MLIP: variants seen among roughly 807,000 people sequenced by gnomAD.
MLIP encodes the protein muscular LMNA interacting protein, also known as muscular LMNA-interacting protein.
In MLIP, 79 loss-of-function variants were observed where a neutral mutation model predicts 84.8. The ratio of observed to expected loss-of-function variants is 0.93; its 90% confidence interval spans 0.78 to 1.12. MLIP has a LOEUF of 1.12. MLIP is among the 50% of genes most tolerant of loss of function. The pLI is 0.00. For synonymous variants in MLIP, 504 were observed against 463.0 expected (o/e 1.09, Z -1.14); for missense variants, 1,257 against 1,160.6 (o/e 1.08, Z -1.21).
intron 1 of MLIP, among the ~76,000 whole-genome samples, chr6:54,060,708 G>T (rs1765915440): frequency 6.6e-6 from 1 of 152,016 alleles, no homozygotes; most frequent in South Asian, 2.1e-4. Flanking sequence ...TCTTATTTTT[G>T]GAACTATATA....
intron 3 of MLIP, among the ~76,000 whole-genome samples, chr6:54,133,285 A>T (rs1181338130): frequency 6.6e-6 from 1 of 152,180 alleles, no homozygotes; most frequent in Non-Finnish European, 1.5e-5. Flanking sequence ...ACACCAGAAA[A>T]GATTATTTAA....
intron 1 of MLIP, among the ~76,000 whole-genome samples, chr6:54,054,445 A>AG (rs1765536678): frequency 6.6e-6 from 1 of 152,038 alleles, no homozygotes; most frequent in African/African-American, 2.4e-5. Flanking sequence ...AAAAAAAAAA[A>AG]AAATGACGGG....
intron 1 of MLIP, among the ~76,000 whole-genome samples, chr6:54,074,672 C>A (rs1051161292): frequency 6.6e-6 from 1 of 152,078 alleles, no homozygotes; most frequent in African/African-American, 2.4e-5. Context: ...TCAGTGGCAT[C>A]CAAAAAATGA....
Position 54,137,307 on chromosome 6 carries a change from G to A in MLIP, c.1238G>A (p.Arg413Gln), listed in dbSNP as rs1359485866. 3 of 1,535,688 alleles carry A rather than the reference G, an allele frequency of 2.0e-6. No individual in the cohort carries two copies. In the African/African-American group the frequency reaches 4.1e-5, roughly 21 times the overall value. ...KSGVKSPVPS[R>Q]LALLTAILKS... The stretch of plus-strand genomic sequence containing the variant: ...GGGGTAAAATCCCCGGTGCCTTCCC[G>A]GCTTGCCCTTCTCACTGCCATTCTC... The change falls in exon 4 of 14, where the codon CGG becomes CAG. Residue 413 changes from arginine to glutamine, a missense_variant. By Grantham distance (43) the Arg-to-Gln change is conservative. Coordinates refer to ENST00000502396, the MANE Select transcript of MLIP (RefSeq NM_001281747.2).
intron 1 of MLIP, among the ~76,000 whole-genome samples, chr6:54,035,180 A>G (rs1290446456): frequency 6.6e-6 from 1 of 152,162 alleles, no homozygotes; most frequent in African/African-American, 2.4e-5. Flanking sequence ...CCAAGGACTC[A>G]TTTCTTAGAA....
At chr6:54,019,166 A>ACT in intron 1 of MLIP, 1 of 1,493,848 alleles carries the variant, frequency 6.7e-7, no homozygotes, top group Non-Finnish European at 9.2e-7. Flanking sequence ...CATAGACTGG[A>ACT]AAAGTTGTGC....
At chr6:54,235,521 T>C (rs1439947296) in intron 12 of MLIP, among the ~76,000 whole-genome samples, 1 of 152,248 alleles carries the variant, frequency 6.6e-6, no homozygotes, top group African/African-American at 2.4e-5. Context: ...TTGTTGTGCT[T>C]GTCTTGGTGT....
At position 54,114,463 on chromosome 6, in the gene MLIP, C is replaced by G. The variant is rs550792263; in HGVS notation, c.96+2888C>G. Among the ~76,000 whole-genome samples, 7 of 152,268 alleles carry G rather than the reference C, an allele frequency of 4.6e-5. No homozygotes were observed. In the East Asian group the frequency reaches 5.8e-4, roughly 13 times the overall value. ...TTCAGTTCAAAATTTGTCTACCCAT[C>G]TTGATTTTTGTGTATCTCTCATATT... On this transcript the variant is annotated intron_variant, in intron 1 of 13. Coordinates refer to ENST00000502396, the MANE Select transcript of MLIP (RefSeq NM_001281747.2).
intron 12 of MLIP, among the ~76,000 whole-genome samples, chr6:54,238,758 A>G (rs1781528190): frequency 6.6e-6 from 1 of 152,216 alleles, no homozygotes; most frequent in Admixed American, 6.5e-5. Flanking sequence ...AGGCAGAGAG[A>G]CAGCTTTAAA....
chr6:54,126,633 A>G (rs1196174866), intron 3 of MLIP, among the ~76,000 whole-genome samples: 1 of 152,118 alleles, frequency 6.6e-6, no homozygotes, highest in Non-Finnish European at 1.5e-5. Context: ...AAATAAAAAT[A>G]AGATGACCAT....
chr6:54,255,007 T>A (rs1782912198), intron 12 of MLIP, among the ~76,000 whole-genome samples: 1 of 152,088 alleles, frequency 6.6e-6, no homozygotes, highest in Non-Finnish European at 1.5e-5. Flanking sequence ...AGCTCCATTA[T>A]ACTGTGTCTC....
rs1174648134 is a variant in MLIP at position 54,137,806 on chromosome 6, T to C, written c.1737T>C (p.Ile579=). ...GGGGTCCAGAAAACCCCAGAAACATTCACACGTACCCTTCTACATTAGCCT... is the reference window on the plus strand; with the variant it reads ...GGGGTCCAGAAAACCCCAGAAACATCCACACGTACCCTTCTACATTAGCCT... ...DLRGPENPRN[I]HTYPSTLASS... Residue 579 remains isoleucine, a synonymous_variant, in exon 4 of 14, where the codon ATT becomes ATC. Transcript: ENST00000502396. 6 of 1,536,066 alleles carry C rather than the reference T, an allele frequency of 3.9e-6. No homozygotes were observed.
chr6:54,254,808 G>T (rs961645236), intron 12 of MLIP, among the ~76,000 whole-genome samples: 1 of 103,278 alleles, frequency 9.7e-6, no homozygotes, highest in Non-Finnish European at 1.8e-5. Flanking sequence ...CTGCCCTGCC[G>T]CCACATCTCT....
At position 54,160,846 on chromosome 6, in the gene MLIP, A is replaced by G. The variant is rs180922643; in HGVS notation, c.2499+47A>G. On this transcript the variant is annotated intron_variant, in intron 8 of 13. Transcript: ENST00000502396. ...TTTATGGAACCATAAGATTTATTAGATCAATGATTTCCAAACTGCAAGTCA... is the reference window on the plus strand; with the variant it reads ...TTTATGGAACCATAAGATTTATTAGGTCAATGATTTCCAAACTGCAAGTCA... The G allele has an allele frequency of 2.9e-4, 433 of 1,505,118 alleles. No individual in the cohort carries two copies. The African/African-American group carries it at 5.6e-3, about 19-fold the overall frequency. The allele number at this position is 1,505,118 out of a possible 1,614,324, so 93.2% of individuals were successfully genotyped here.
chr6:54,117,107 A>T, intron 1 of MLIP, among the ~76,000 whole-genome samples: 1 of 152,160 alleles, frequency 6.6e-6, no homozygotes, highest in Non-Finnish European at 1.5e-5. Flanking sequence ...AACATGATAA[A>T]GGCCCTATAT....
At chr6:54,253,982 AT>A (rs78174470) in intron 12 of MLIP, among the ~76,000 whole-genome samples, 3,840 of 149,480 alleles carry the variant, frequency 0.026, 249 homozygotes, top group East Asian at 0.15. Context: ...CTTTTTAGTT[AT>A]TTTTTTCTTT....
intron 8 of MLIP, among the ~76,000 whole-genome samples, chr6:54,162,106 G>A (rs779342214): frequency 1.1e-4 from 16 of 151,892 alleles, no homozygotes; most frequent in Non-Finnish European, 2.1e-4. Context: ...TATTTATTAA[G>A]CACCTACCAT....
intron 1 of MLIP, among the ~76,000 whole-genome samples, chr6:54,086,667 C>T (rs1767514249): frequency 6.6e-6 from 1 of 152,202 alleles, no homozygotes; most frequent in Non-Finnish European, 1.5e-5. Flanking sequence ...AATCTTGCCA[C>T]ATCCCTTCTG....
intron 11 of MLIP, among the ~76,000 whole-genome samples, chr6:54,226,637 AAAACAAACAAAC>A (rs146772853): frequency 1.0e-3 from 151 of 151,634 alleles, no homozygotes; most frequent in Middle Eastern, 6.8e-3. Context: ...AACAGGAAAT[AAAACAAACAAAC>A]AAACAAACAA....
Sources: gnomAD v4.1 joint callset for allele counts (sites outside exome capture counted in the v4.1 genomes callset) on GRCh38, gnomAD v4.1.1 for gene constraint, MANE v1.5 for transcripts, NCBI Gene and HGNC (gene_info 2026-07-23, HGNC 2026-07-21) for gene names.